Variants in DCDC1 observed in about 807,000 individuals in gnomAD.
The protein encoded by DCDC1 is doublecortin domain-containing protein 1.
A neutral mutation model predicts 178.3 loss-of-function variants in DCDC1; 200 were observed. That is an observed-to-expected ratio of 1.12 (90% CI 1.00 to 1.26). DCDC1 has a LOEUF of 1.26. DCDC1 is among the 50% of genes most tolerant of loss of function. The pLI is 0.00. For synonymous variants in DCDC1, 690 were observed against 604.8 expected, an observed-to-expected ratio of 1.14 and a Z score of -2.07; for missense variants, 1,983 against 1,749.2, an observed-to-expected ratio of 1.13 and a Z score of -2.38.
chr11:31,009,609 A>G (rs545682648), intron 20 of DCDC1, among the ~76,000 whole-genome samples: 2 of 152,184 alleles, frequency 1.3e-5, no homozygotes, highest in East Asian at 3.9e-4. Context: ...TCCTAGTGTG[A>G]TGGCAGGAAA....
chr11:31,234,858 A>G (rs1231376159), intron 9 of DCDC1, among the ~76,000 whole-genome samples: 6 of 152,128 alleles, frequency 3.9e-5, no homozygotes, highest in Admixed American at 3.9e-4. Context: ...GAAACTGTTC[A>G]GGGAATCTAT....
At chr11:30,891,425 G>T (rs944761194) in intron 36 of DCDC1, among the ~76,000 whole-genome samples, 3 of 152,110 alleles carry the variant, frequency 2.0e-5, no homozygotes, top group Middle Eastern at 3.2e-3. Context: ...CAAAGTTATT[G>T]TAAGTTTTTT....
chr11:31,028,248 A>C (rs1953376424), intron 20 of DCDC1, among the ~76,000 whole-genome samples: 1 of 151,918 alleles, frequency 6.6e-6, no homozygotes, highest in African/African-American at 2.4e-5. Context: ...TAAAACCATG[A>C]GATTGTTTTT....
At chr11:30,880,850 A>C (rs1942596238) in intron 37 of DCDC1, among the ~76,000 whole-genome samples, 1 of 152,204 alleles carries the variant, frequency 6.6e-6, no homozygotes, top group African/African-American at 2.4e-5. Flanking sequence ...AAATTAGTGG[A>C]GCTTCACTTT....
At chr11:30,888,176 GAGAA>G (rs1162216347) in intron 36 of DCDC1, among the ~76,000 whole-genome samples, 1 of 150,296 alleles carries the variant, frequency 6.7e-6, no homozygotes, top group Non-Finnish European at 1.5e-5. Flanking sequence ...AAGAAAGAAA[GAGAA>G]AGGAAGGAAG....
At chr11:31,030,266 T>C (rs1431647127) in intron 20 of DCDC1, among the ~76,000 whole-genome samples, 4 of 152,068 alleles carry the variant, frequency 2.6e-5, no homozygotes, top group Non-Finnish European at 2.9e-5. Context: ...TTGAGTATAA[T>C]AGAAACACCA....
At chr11:31,157,821 G>C (rs1360819554) in intron 9 of DCDC1, among the ~76,000 whole-genome samples, 1 of 152,050 alleles carries the variant, frequency 6.6e-6, no homozygotes, top group African/African-American at 2.4e-5. Flanking sequence ...AATTAAAAAT[G>C]ATTTAAAATG....
intron 20 of DCDC1, among the ~76,000 whole-genome samples, chr11:31,004,020 C>T (rs867862212): frequency 4.9e-4 from 75 of 152,174 alleles, no homozygotes; most frequent in Admixed American, 1.6e-3. Flanking sequence ...AGAGAAGGAA[C>T]TTTTGGAGGA....
chr11:31,124,454 A>G (rs964363103), intron 11 of DCDC1, among the ~76,000 whole-genome samples: 1 of 152,160 alleles, frequency 6.6e-6, no homozygotes, highest in African/African-American at 2.4e-5. Flanking sequence ...TATGGAACCA[A>G]AAAAGAGCTT....
chr11:31,036,287 A>G (rs1263879556), intron 20 of DCDC1, among the ~76,000 whole-genome samples: 1 of 152,132 alleles, frequency 6.6e-6, no homozygotes, highest in Non-Finnish European at 1.5e-5. Flanking sequence ...AAAGGCAAAA[A>G]CTGTTCACCA....
At position 31,103,643 on chromosome 11, in the gene DCDC1, C is replaced by T. The variant is rs561765132; in HGVS notation, c.1877+1G>A. 12 of 757,510 alleles carry T rather than the reference C, an allele frequency of 1.6e-5. No individual in the cohort carries two copies. In the East Asian group the frequency reaches 2.9e-4, roughly 19 times the overall value. 46.9% of individuals were successfully genotyped at this position (757,510 alleles called of 1,614,324 possible). On this transcript the variant is annotated splice_donor_variant, in intron 14 of 38. Coordinates refer to ENST00000684477, the MANE Select transcript of DCDC1 (RefSeq NM_001387274.1). LOFTEE classifies it high-confidence loss of function. ...TTTAACAAGATTACTTGTTAATTTA[C>T]TTGCCACATCCAGGTAGCAGAACAG...
intron 34 of DCDC1, among the ~76,000 whole-genome samples, chr11:30,896,843 G>A (rs1397438061): frequency 6.6e-6 from 1 of 152,174 alleles, no homozygotes; most frequent in South Asian, 2.1e-4. Flanking sequence ...TATGATTAAT[G>A]TTAGCAATGT....
intron 38 of DCDC1, among the ~76,000 whole-genome samples, chr11:30,866,530 T>C (rs1304072435): frequency 6.6e-6 from 1 of 152,052 alleles, no homozygotes; most frequent in African/African-American, 2.4e-5. Context: ...TACTATTACA[T>C]TGAGGATTGG....
intron 9 of DCDC1, among the ~76,000 whole-genome samples, chr11:31,212,920 T>C (rs532822908): frequency 7.2e-5 from 11 of 152,200 alleles, no homozygotes; most frequent in Non-Finnish European, 1.3e-4. Context: ...TATATAACTG[T>C]TATGTAAGAT....
chr11:31,300,207 G>A (rs915322717), intron 6 of DCDC1, among the ~76,000 whole-genome samples: 1 of 152,184 alleles, frequency 6.6e-6, no homozygotes, highest in Non-Finnish European at 1.5e-5. Flanking sequence ...TAGGCTTAGC[G>A]AGATTAAGTG....
At chr11:31,043,354 G>A (rs1954606912) in intron 20 of DCDC1, among the ~76,000 whole-genome samples, 1 of 152,182 alleles carries the variant, frequency 6.6e-6, no homozygotes, top group Non-Finnish European at 1.5e-5. Flanking sequence ...GAAAGTTTAA[G>A]AGACAAAGCT....
At chr11:31,212,267 T>C (rs1277160057) in intron 9 of DCDC1, among the ~76,000 whole-genome samples, 2 of 151,956 alleles carry the variant, frequency 1.3e-5, no homozygotes, top group African/African-American at 2.4e-5. Flanking sequence ...AGGAAAAATA[T>C]ACCCTTACAA....
chr11:31,198,179 T>C (rs1024820799), intron 9 of DCDC1, among the ~76,000 whole-genome samples: 6 of 152,004 alleles, frequency 3.9e-5, no homozygotes, highest in Non-Finnish European at 7.4e-5. Context: ...TGCTAAAGTA[T>C]ATATGTAAAG....
chr11:31,245,367 T>C (rs1157337245), intron 8 of DCDC1, among the ~76,000 whole-genome samples: 1 of 151,728 alleles, frequency 6.6e-6, no homozygotes, highest in African/African-American at 2.4e-5. Flanking sequence ...ACTGCAGATA[T>C]ACTGTAGACA....
Sources: allele counts gnomAD v4.1 joint callset (sites outside exome capture counted in the v4.1 genomes callset), GRCh38; gene constraint gnomAD v4.1.1; transcripts MANE v1.5; gene names NCBI Gene and HGNC (gene_info 2026-07-23, HGNC 2026-07-21).